NHSL3: variants seen among roughly 807,000 people sequenced by gnomAD.
NHSL3 encodes NHS-like protein 3.
At chr1:32,760,533 G>C in the NHSL3 span, among the ~76,000 whole-genome samples, 1 of 151,742 alleles carries the variant, frequency 6.6e-6, no homozygotes, top group Admixed American at 6.6e-5. Flanking sequence ...TCGCTCATGG[G>C]TGAGGAAGGC....
At chr1:32,759,286 C>A in the NHSL3 span, among the ~76,000 whole-genome samples, 100 of 152,290 alleles carry the variant, frequency 6.6e-4, no homozygotes, top group African/African-American at 2.2e-3. Flanking sequence ...GGCCTGGAAT[C>A]CAGACCTCCT....
At chr1:32,770,691 C>T in the NHSL3 span, 23 of 1,538,164 alleles carry the variant, frequency 1.5e-5, no homozygotes, top group Non-Finnish European at 2.0e-5. This position sits in a 1 kb window ranked among gnomAD's most constrained non-coding sequence, Gnocchi z 8.3. Context: ...CCCGCCGGAC[C>T]CACTCCCTCC....
the NHSL3 span, among the ~76,000 whole-genome samples, chr1:32,755,236 T>A: frequency 6.6e-6 from 1 of 152,124 alleles, no homozygotes; most frequent in Non-Finnish European, 1.5e-5. Context: ...CATTCCCTCC[T>A]CCCCAAGATA....
At chr1:32,771,663 G>A in the NHSL3 span, 1 of 1,611,438 alleles carries the variant, frequency 6.2e-7, no homozygotes. Context: ...TGCAGATTCA[G>A]CCCCCGGGTA....
At chr1:32,742,791 A>C in the NHSL3 span, among the ~76,000 whole-genome samples, 11 of 152,244 alleles carry the variant, frequency 7.2e-5, no homozygotes, top group African/African-American at 2.6e-4. Context: ...TGGGGTAGTG[A>C]GCTCACCAAG....
At chr1:32,765,476 C>T in the NHSL3 span, among the ~76,000 whole-genome samples, 1 of 152,230 alleles carries the variant, frequency 6.6e-6, no homozygotes, top group Non-Finnish European at 1.5e-5. Context: ...CTTCGGTCCT[C>T]CTAATCATAC....
At chr1:32,770,637 C>G in the NHSL3 span, 1 of 1,519,130 alleles carries the variant, frequency 6.6e-7, no homozygotes, top group Non-Finnish European at 8.8e-7. This position sits in a 1 kb window ranked among gnomAD's most constrained non-coding sequence, Gnocchi z 8.3. Flanking sequence ...AGTTGTCTGG[C>G]CGGAGTGTGT....
chr1:32,741,983 C>T, the NHSL3 span: 2 of 1,179,196 alleles, frequency 1.7e-6, no homozygotes, highest in Non-Finnish European at 2.1e-6. The surrounding 1 kb of genome is among the most constrained non-coding windows in gnomAD (Gnocchi z 4.3). Context: ...CCCGCCGCAC[C>T]TGCGGCCGAG....
the NHSL3 span, chr1:32,774,863 A>G: frequency 6.6e-6 from 1 of 152,518 alleles, no homozygotes; most frequent in South Asian, 2.1e-4. Flanking sequence ...TAAATTTTTG[A>G]GTCTTTGATA....
At chr1:32,756,475 C>CCA in the NHSL3 span, among the ~76,000 whole-genome samples, 1 of 104,282 alleles carries the variant, frequency 9.6e-6, no homozygotes, top group African/African-American at 3.4e-5. Flanking sequence ...ACGAGACCCC[C>CCA]CCCCCCCGCC....
At chr1:32,773,978 CAA>C in the NHSL3 span, 3 of 152,708 alleles carry the variant, frequency 2.0e-5, no homozygotes, top group African/African-American at 7.2e-5. Flanking sequence ...GCATTTTACT[CAA>C]GTCTTCTCTA....
At chr1:32,766,470 C>A in the NHSL3 span, among the ~76,000 whole-genome samples, 1 of 152,054 alleles carries the variant, frequency 6.6e-6, no homozygotes, top group East Asian at 1.9e-4. Flanking sequence ...TTAGGCAAGG[C>A]CTTGCCCCTT....
chr1:32,752,545 G>T, the NHSL3 span, among the ~76,000 whole-genome samples: 3 of 152,142 alleles, frequency 2.0e-5, no homozygotes, highest in African/African-American at 7.2e-5. Flanking sequence ...CCTGTGATGA[G>T]GAGACAGAGG....
chr1:32,753,471 A>G, the NHSL3 span, among the ~76,000 whole-genome samples: 4 of 151,954 alleles, frequency 2.6e-5, no homozygotes, highest in Non-Finnish European at 5.9e-5. Context: ...GGTGACAGCG[A>G]GACTTGGTCT....
chr1:32,757,888 T>TGCGGCC, the NHSL3 span, among the ~76,000 whole-genome samples: 10 of 152,144 alleles, frequency 6.6e-5, no homozygotes, highest in Admixed American at 2.6e-4. Flanking sequence ...AGAGAAAGCC[T>TGCGGCC]GCGGCCCCGG....
the NHSL3 span, among the ~76,000 whole-genome samples, chr1:32,762,259 G>T: frequency 6.6e-6 from 1 of 152,098 alleles, no homozygotes; most frequent in African/African-American, 2.4e-5. Flanking sequence ...GGGGGGTCGT[G>T]TTGCTTGGGA....
chr1:32,754,929 C>T, the NHSL3 span, among the ~76,000 whole-genome samples: 14 of 152,060 alleles, frequency 9.2e-5, no homozygotes, highest in Admixed American at 6.5e-5. Context: ...CGCCTCCCCC[C>T]CTCCCCCGTC....
At chr1:32,765,736 G>A in the NHSL3 span, 9 of 1,546,584 alleles carry the variant, frequency 5.8e-6, no homozygotes, top group South Asian at 1.2e-5. Context: ...GAGGCAGGGT[G>A]GGATAGGGAA....
At chr1:32,768,156 C>T in the NHSL3 span, 4 of 1,313,786 alleles carry the variant, frequency 3.0e-6, no homozygotes, top group African/African-American at 1.5e-5. Flanking sequence ...CTCTTCTCTA[C>T]CTGCTTGACC....
Sources: allele counts gnomAD v4.1 joint callset (sites outside exome capture counted in the v4.1 genomes callset), GRCh38; gene constraint gnomAD v4.1.1; non-coding constraint Gnocchi (gnomAD v3.1); transcripts MANE v1.5; gene names NCBI Gene and HGNC (gene_info 2026-07-23, HGNC 2026-07-21).